IDO2: variants seen among roughly 807,000 people sequenced by gnomAD.
The protein encoded by IDO2 is indoleamine 2,3-dioxygenase-like 1 protein.
IDO2 carries 46 observed loss-of-function variants against 45.1 expected under a neutral mutation model. The ratio of observed to expected loss-of-function variants is 1.02; its 90% CI spans 0.80 to 1.30. The LOEUF (loss-of-function observed/expected upper bound fraction) is 1.30, where lower values mean the gene tolerates loss of function less well. Among genes scored for constraint, IDO2 ranks in the 50% most tolerant of loss-of-function variants. The pLI, the probability that IDO2 is intolerant of heterozygous loss-of-function variation, is 0.00. For missense variants in IDO2, 544 were observed against 491.8 expected (o/e 1.11, Z -1.00); for synonymous variants, 218 against 184.9 (o/e 1.18, Z -1.45).
At chr8:39,996,203 G>A (rs1802045205) in intron 8 of IDO2, among the ~76,000 whole-genome samples, 1 of 152,140 alleles carries the variant, frequency 6.6e-6, no homozygotes, top group Non-Finnish European at 1.5e-5. Context: ...ACATGAGTCA[G>A]GCCTGCCTGC....
At chr8:39,955,314 G>A (rs113648032) in intron 2 of IDO2, among the ~76,000 whole-genome samples, 4 of 144,438 alleles carry the variant, frequency 2.8e-5, no homozygotes, top group African/African-American at 7.7e-5. Context: ...GAGTGCAGTG[G>A]CACGTTCTTG....
intron 2 of IDO2, among the ~76,000 whole-genome samples, chr8:39,953,727 C>T (rs1219222142): frequency 6.6e-6 from 1 of 152,064 alleles, no homozygotes; most frequent in Non-Finnish European, 1.5e-5. Context: ...CAACCACACC[C>T]AGCTAATTTT....
chr8:40,005,526 T>C, intron 9 of IDO2, 148 bp downstream of exon 9: 1 of 462,098 alleles, frequency 2.2e-6, no homozygotes. Context: ...AGAAGTGGGA[T>C]ACCATCTGCA....
intron 7 of IDO2, 55 bp downstream of exon 7, chr8:39,988,025 C>A: frequency 1.0e-6 from 1 of 990,348 alleles, no homozygotes; most frequent in Non-Finnish European, 1.6e-6. Flanking sequence ...AGCTTTACTT[C>A]CCACTCAGTG....
At chr8:39,978,943 A>G in intron 3 of IDO2, 124 bp from the exon 4 acceptor site, 1 of 874,802 alleles carries the variant, frequency 1.1e-6, no homozygotes, top group Non-Finnish European at 1.8e-6. Context: ...TTGTACCTTC[A>G]TTAAAATATA....
intron 2 of IDO2, among the ~76,000 whole-genome samples, chr8:39,963,219 G>A (rs1808025864): frequency 6.6e-6 from 1 of 152,108 alleles, no homozygotes; most frequent in Non-Finnish European, 1.5e-5. Flanking sequence ...TTTATACCCA[G>A]AAAAGTCACT....
chr8:39,947,913 G>A (rs1055524699), intron 1 of IDO2, among the ~76,000 whole-genome samples: 17 of 151,278 alleles, frequency 1.1e-4, no homozygotes, highest in African/African-American at 3.9e-4. Context: ...TCAGCCTCCC[G>A]AGTAGCTGGG....
At chr8:40,011,407 C>T (rs1802309120) in intron 9 of IDO2, among the ~76,000 whole-genome samples, 1 of 152,158 alleles carries the variant, frequency 6.6e-6, no homozygotes, top group Admixed American at 6.6e-5. Context: ...AACATGTGTG[C>T]CCATATATCA....
intron 3 of IDO2, among the ~76,000 whole-genome samples, chr8:39,978,471 A>G (rs1422053141): frequency 6.6e-6 from 1 of 152,118 alleles, no homozygotes; most frequent in Admixed American, 6.5e-5. Context: ...GCTTTCAACC[A>G]TGATACCGCC....
Position 40,008,137 on chromosome 8 carries a change from C to T in IDO2, c.719+2759C>T, listed in dbSNP as rs562098961. On this transcript the variant is annotated intron_variant, in intron 9 of 10. Transcript: ENST00000502986. The stretch of plus-strand genomic sequence containing the variant: ...TCTCGGCTCACCACAACCTCCATCT[C>T]CCGGGTTCAAGTGATTCTCCTGCCT... Among the ~76,000 whole-genome samples, 4 of 151,560 alleles carry T rather than the reference C, an allele frequency of 2.6e-5. No individual in the cohort carries two copies. The East Asian group carries it at 5.8e-4, about 22-fold the overall frequency.
At chr8:39,979,218 C>T (rs1808305447) in intron 4 of IDO2, 32 bp downstream of exon 4, 1 of 1,556,844 alleles carries the variant, frequency 6.4e-7, no homozygotes, top group Non-Finnish European at 8.7e-7. Context: ...CTCCTGTTAC[C>T]CGGCAGGTTA....
intron 2 of IDO2, among the ~76,000 whole-genome samples, chr8:39,960,278 C>T (rs1807971722): frequency 6.6e-6 from 1 of 152,188 alleles, no homozygotes; most frequent in East Asian, 1.9e-4. Context: ...TCACTCCCAT[C>T]TGCTAAGAAA....
exon 11 of IDO2, chr8:40,015,747 T>C: frequency 1.6e-6 from 1 of 628,006 alleles, no homozygotes; most frequent in Non-Finnish European, 2.8e-6. Flanking sequence ...ATATTCTCCT[T>C]GTTGAGAGCT....
chr8:40,006,830 C>A (rs1223478867), intron 9 of IDO2, among the ~76,000 whole-genome samples: 1 of 151,780 alleles, frequency 6.6e-6, no homozygotes, highest in Non-Finnish European at 1.5e-5. Context: ...CTGGCTAATT[C>A]TTGTATTTTT....
chr8:39,939,983 G>A (rs1444178759), intron 1 of IDO2, among the ~76,000 whole-genome samples: 2 of 152,084 alleles, frequency 1.3e-5, no homozygotes, highest in Non-Finnish European at 2.9e-5. Flanking sequence ...TACCCCGACT[G>A]ATAGAAATGG....
At chr8:40,007,912 G>A (rs1229627559) in intron 9 of IDO2, among the ~76,000 whole-genome samples, 1 of 152,074 alleles carries the variant, frequency 6.6e-6, no homozygotes, top group East Asian at 1.9e-4. Context: ...GTTGTTGTCA[G>A]AATTCAGTGT....
intron 3 of IDO2, among the ~76,000 whole-genome samples, chr8:39,977,975 T>C (rs1808286972): frequency 6.6e-6 from 1 of 152,226 alleles, no homozygotes; most frequent in Admixed American, 6.5e-5. Context: ...CTTTCAGTTA[T>C]TTTTAAATGT....
chr8:39,999,703 A>G (rs932681104), intron 8 of IDO2, among the ~76,000 whole-genome samples: 1 of 152,180 alleles, frequency 6.6e-6, no homozygotes, highest in Non-Finnish European at 1.5e-5. Flanking sequence ...ACCTCAGGTC[A>G]TCCACCACCT....
At chr8:39,938,631 C>A (rs1319748651) in intron 1 of IDO2, among the ~76,000 whole-genome samples, 2 of 151,798 alleles carry the variant, frequency 1.3e-5, no homozygotes, top group African/African-American at 4.8e-5. Context: ...TGAAAGGCAT[C>A]GTCAAGAGAA....
Sources: allele counts gnomAD v4.1 joint callset (sites outside exome capture counted in the v4.1 genomes callset), GRCh38; gene constraint gnomAD v4.1.1; transcripts MANE v1.5; gene names NCBI Gene and HGNC (gene_info 2026-07-23, HGNC 2026-07-21).